GADL1: variants seen among roughly 807,000 people sequenced by gnomAD.
GADL1 encodes the protein acidic amino acid decarboxylase GADL1.
A neutral mutation model predicts 69.5 loss-of-function variants in GADL1; 71 were observed. That is an observed-to-expected ratio of 1.02 (90% CI 0.84 to 1.25). The LOEUF (loss-of-function observed/expected upper bound fraction) is 1.25. Among genes scored for constraint, GADL1 ranks in the 50% most tolerant of loss-of-function variants. The probability of loss-of-function intolerance (pLI) is 0.00; values close to 1 mark genes in which losing one functional copy is unlikely to be tolerated. For missense variants in GADL1, 737 were observed against 631.8 expected (o/e 1.17, Z -1.79); for synonymous variants, 254 against 214.4 (o/e 1.18, Z -1.62).
chr3:30,745,411 T>C (rs1475653194), intron 14 of GADL1, among the ~76,000 whole-genome samples: 1 of 152,238 alleles, frequency 6.6e-6, no homozygotes, highest in Non-Finnish European at 1.5e-5. Context: ...TTTATTTTTA[T>C]TGCGGGGGTA....
At chr3:30,757,805 G>C (rs1696015681) in intron 14 of GADL1, among the ~76,000 whole-genome samples, 1 of 152,134 alleles carries the variant, frequency 6.6e-6, no homozygotes, top group African/African-American at 2.4e-5. Context: ...TGGATCCCAA[G>C]ACTTCCCTCT....
intron 11 of GADL1, among the ~76,000 whole-genome samples, chr3:30,815,907 C>T (rs1428455271): frequency 2.6e-5 from 4 of 152,086 alleles, no homozygotes; most frequent in Admixed American, 2.6e-4. Flanking sequence ...TGACTGAATC[C>T]CAGTTCCATC....
At chr3:30,803,727 T>C (rs546892293) in intron 11 of GADL1, among the ~76,000 whole-genome samples, 2 of 152,344 alleles carry the variant, frequency 1.3e-5, no homozygotes, top group East Asian at 3.9e-4. Context: ...TTATCAAAAA[T>C]AAACTTTCCT....
rs1429987192 is a variant in GADL1, at chr3:30,861,715, C to T, written c.88G>A (p.Val30Met). The change falls in exon 2 of 15, where the codon GTG (valine) becomes ATG (methionine). Residue 30 changes from valine (V) to methionine (M), a missense_variant. Physicochemically the swap from Val to Met is conservative, Grantham distance 21. Transcript: ENST00000282538. ...GGACCATTCAGCACAACCCCATCCA[C>T]AAGAACAGCATTCTTCTTACTTGGA... ...MIPSKKNAVL[V>M]DGVVLNGPTT... 1.9e-6 allele frequency: 3 copies of T among 1,549,136 alleles called. No individual in the cohort carries two copies. The highest frequency in any genetic ancestry group is 1.2e-5 in the South Asian group (1 of 83,556).
intron 14 of GADL1, among the ~76,000 whole-genome samples, chr3:30,763,269 C>T (rs1410700399): frequency 2.6e-5 from 4 of 152,044 alleles, no homozygotes; most frequent in African/African-American, 7.2e-5. Context: ...GAGTCCGAGG[C>T]TGGTGGATCA....
At chr3:30,773,104 T>C (rs1471298070) in intron 14 of GADL1, among the ~76,000 whole-genome samples, 2 of 152,148 alleles carry the variant, frequency 1.3e-5, no homozygotes, top group African/African-American at 2.4e-5. Flanking sequence ...AATTAATTAT[T>C]GTATAATCAT....
rs186879100 is a variant in GADL1, at chr3:30,887,682, G to A, written c.37+6896C>T. Among the ~76,000 whole-genome samples, 228 of 152,210 alleles carry A rather than the reference G, an allele frequency of 1.5e-3. 4 individuals are homozygous for A. Among genetic ancestry groups the A allele is most frequent in the African/African-American group, 5.2e-3 (214 of 41,528 alleles). On this transcript the variant is annotated intron_variant, in intron 1 of 14. Transcript: ENST00000282538. The stretch of plus-strand genomic sequence containing the variant: ...CAGTCTTCAGGAAAAATGTTGAACC[G>A]TGAGCACAAAAGTAGTGAAATCCAG...
At chr3:30,875,404 C>A (rs1473571804) in intron 1 of GADL1, among the ~76,000 whole-genome samples, 2 of 151,850 alleles carry the variant, frequency 1.3e-5, no homozygotes. Flanking sequence ...CTTCCAAAAT[C>A]TTATCTCATT....
chr3:30,753,761 TTACAAA>T (rs1269278370), intron 14 of GADL1, among the ~76,000 whole-genome samples: 1 of 151,958 alleles, frequency 6.6e-6, no homozygotes, highest in South Asian at 2.1e-4. Context: ...TTAACTAAAC[TTACAAA>T]TACATGTGTT....
At chr3:30,867,662 G>A (rs1489414864) in intron 1 of GADL1, among the ~76,000 whole-genome samples, 1 of 151,750 alleles carries the variant, frequency 6.6e-6, no homozygotes, top group Non-Finnish European at 1.5e-5. Context: ...AATTTTTACT[G>A]AGTACTAAAT....
In GADL1 at chr3:30,894,560, G is replaced by A; in HGVS notation, c.37+18C>T. The A allele has an allele frequency of 6.5e-7, 1 of 1,546,914 alleles. No homozygotes were observed. Among genetic ancestry groups the A allele is most frequent in the East Asian group, 2.5e-5 (1 of 40,462 alleles). On this transcript the variant is annotated intron_variant, in intron 1 of 14. Coordinates refer to ENST00000282538, the MANE Select transcript of GADL1 (RefSeq NM_207359.3). ...GGGGAGGTTAAGGACAAAAACCGCA[G>A]CCGCGCTGAGTCGTTACCGTCCACA... is the stretch of plus-strand genomic sequence containing the variant.
intron 11 of GADL1, among the ~76,000 whole-genome samples, chr3:30,810,384 T>G (rs1048593432): frequency 6.6e-6 from 1 of 152,146 alleles, no homozygotes; most frequent in Non-Finnish European, 1.5e-5. Flanking sequence ...TTACATGATA[T>G]ATATAGACAG....
chr3:30,801,047 G>T lies in GADL1; in HGVS notation c.1092C>A (p.Leu364=). 1 of 1,614,006 alleles carries T rather than the reference G, an allele frequency of 6.2e-7. No homozygotes were observed. The highest frequency in any genetic ancestry group is 1.1e-5 in the South Asian group (1 of 91,082). ...CATCATAGAATTTATCCTGCTGGAA[G>T]AGGTAAGATGCCTTGGCAGAGTAGC... is the stretch of plus-strand genomic sequence containing the variant. ...KKCYSAKASY[L]FQQDKFYDVS... The change falls in exon 12 of 15, where the codon CTC becomes CTA. Residue 364 remains leucine, a synonymous_variant. Transcript: ENST00000282538.
At chr3:30,846,129 A>T (rs918100069) in intron 6 of GADL1, among the ~76,000 whole-genome samples, 1 of 152,020 alleles carries the variant, frequency 6.6e-6, no homozygotes, top group African/African-American at 2.4e-5. Flanking sequence ...AGAGCCCTGG[A>T]AGGGAGAACA....
Position 30,858,141 on chromosome 3 carries a change from C to T in GADL1, c.211-1000G>A, listed in dbSNP as rs533288896. Among the ~76,000 whole-genome samples the T allele has an allele frequency of 2.6e-5, 4 of 152,068 alleles. No homozygotes were observed. In the South Asian group the frequency reaches 6.2e-4, roughly 24 times the overall value. On this transcript the variant is annotated intron_variant, in intron 2 of 14. Transcript: ENST00000282538. The stretch of plus-strand genomic sequence containing the variant: ...GTATCCTACATAATCTCCATACAAG[C>T]AGATCTGTCTTTTTGCTCACTGATC...
chr3:30,750,634 C>T (rs952839227), intron 14 of GADL1, among the ~76,000 whole-genome samples: 8 of 104,022 alleles, frequency 7.7e-5, no homozygotes, highest in African/African-American at 2.9e-4. Context: ...CCCTTCTCTC[C>T]TCTTGCAGCC....
intron 6 of GADL1, among the ~76,000 whole-genome samples, chr3:30,846,133 G>A (rs562527795): frequency 0.012 from 1,808 of 151,982 alleles, 33 homozygotes; most frequent in African/African-American, 0.041. Context: ...CCCTGGAAGG[G>A]AGAACAAAAG....
intron 14 of GADL1, among the ~76,000 whole-genome samples, chr3:30,773,391 G>T (rs1034210203): frequency 1.3e-5 from 2 of 151,562 alleles, no homozygotes; most frequent in African/African-American, 4.9e-5. Flanking sequence ...CTCCACTAAG[G>T]TATCTTTTTA....
chr3:30,838,535 T>C (rs1275404874), intron 9 of GADL1, among the ~76,000 whole-genome samples: 1 of 152,170 alleles, frequency 6.6e-6, no homozygotes, highest in Non-Finnish European at 1.5e-5. Context: ...TTTTGCATTT[T>C]CCAGCTGTTT....
Sources: gnomAD v4.1 joint callset for allele counts (sites outside exome capture counted in the v4.1 genomes callset) on GRCh38, gnomAD v4.1.1 for gene constraint, MANE v1.5 for transcripts, NCBI Gene and HGNC (gene_info 2026-07-23, HGNC 2026-07-21) for gene names.